NAV2: variants seen among roughly 807,000 people sequenced by gnomAD.
NAV2 encodes the protein helicase, APC down-regulated 1.
NAV2 carries 54 observed loss-of-function variants against 223.2 expected under a neutral mutation model. The ratio of observed to expected loss-of-function variants is 0.24; its 90% CI spans 0.19 to 0.30. NAV2 has a LOEUF of 0.30. Ranked by LOEUF, NAV2 falls within the 10% of genes least tolerant of loss-of-function variation. NAV2 has a pLI of 1.00. For missense variants in NAV2, 2,806 were observed against 3,147.5 expected (o/e 0.89, Z 2.60); for synonymous variants, 1,279 against 1,239.3 (o/e 1.03, Z -0.67).
intron 1 of NAV2, among the ~76,000 whole-genome samples, chr11:19,792,322 G>T (rs1253826215): frequency 6.6e-6 from 1 of 152,172 alleles, no homozygotes; most frequent in East Asian, 1.9e-4. Context: ...GGGGGATTTT[G>T]TTCTAAGTAG....
chr11:19,925,646 G>A (rs559647557), intron 6 of NAV2, among the ~76,000 whole-genome samples: 2 of 152,020 alleles, frequency 1.3e-5, no homozygotes, highest in African/African-American at 4.8e-5. Flanking sequence ...TATTCAGGAG[G>A]CTGAGGCAAG....
In NAV2 at chr11:19,896,704, A is replaced by G. The variant is rs567708911; in HGVS notation, c.931+4110A>G. 2.0e-3 allele frequency among the ~76,000 whole-genome samples: 305 copies of G among 152,358 alleles called. 4 individuals carry two copies. The highest frequency in any genetic ancestry group is 7.0e-3 in the African/African-American group (291 of 41,582). On this transcript the variant is annotated intron_variant, in intron 6 of 37. Coordinates refer to ENST00000349880, the MANE Select transcript of NAV2 (RefSeq NM_145117.5). ...ATTGTTCTAATGACATCAGTAAGTT[A>G]AATTAGAATTTCATTATTCTGTCAG...
intron 1 of NAV2, among the ~76,000 whole-genome samples, chr11:19,391,108 G>T (rs1179528757): frequency 6.6e-6 from 1 of 152,120 alleles, no homozygotes; most frequent in Non-Finnish European, 1.5e-5. Context: ...GTACCCCAAA[G>T]CTTTCGTTCT....
intron 1 of NAV2, among the ~76,000 whole-genome samples, chr11:19,787,268 A>ATTTTTTTTTTTTTTTTTT (rs1565315820): frequency 3.4e-5 from 1 of 29,406 alleles, no homozygotes; most frequent in Non-Finnish European, 6.3e-5. Flanking sequence ...TTTTTATTGG[A>ATTTTTTTTTTTTTTTTTT]TCTTTTTTTT....
At chr11:19,456,337 C>G (rs900977633) in intron 1 of NAV2, among the ~76,000 whole-genome samples, 1 of 152,184 alleles carries the variant, frequency 6.6e-6, no homozygotes, top group Admixed American at 6.5e-5. Context: ...ATTGACTCCT[C>G]GAAGTCCTTC....
At chr11:19,872,455 ACATTACTG>A (rs2062573379) in intron 4 of NAV2, among the ~76,000 whole-genome samples, 2 of 152,250 alleles carry the variant, frequency 1.3e-5, no homozygotes, top group Admixed American at 1.3e-4. Context: ...GTGCTACTGC[ACATTACTG>A]CCTATGTTTC....
At chr11:19,623,073 A>G (rs992383777) in intron 1 of NAV2, among the ~76,000 whole-genome samples, 1 of 152,190 alleles carries the variant, frequency 6.6e-6, no homozygotes, top group African/African-American at 2.4e-5. Flanking sequence ...TCTTTTCTTT[A>G]AGAATATTGA....
intron 26 of NAV2, among the ~76,000 whole-genome samples, chr11:20,090,651 G>A (rs752596471): frequency 1.1e-4 from 17 of 152,122 alleles, no homozygotes; most frequent in Non-Finnish European, 2.2e-4. Flanking sequence ...TTAAACATCA[G>A]TGGTCTAAAT....
At chr11:19,482,292 T>A (rs1002453224) in intron 1 of NAV2, among the ~76,000 whole-genome samples, 1 of 152,200 alleles carries the variant, frequency 6.6e-6, no homozygotes, top group Non-Finnish European at 1.5e-5. Flanking sequence ...GCAAGATGAA[T>A]TTCCTCCATG....
intron 1 of NAV2, among the ~76,000 whole-genome samples, chr11:19,722,523 C>T (rs1037765871): frequency 2.0e-5 from 3 of 152,170 alleles, no homozygotes; most frequent in African/African-American, 7.2e-5. Flanking sequence ...TCTATGTGTT[C>T]CATAGCCTGG....
chr11:19,438,250 T>A lies in NAV2; in HGVS notation c.75+87223T>A, dbSNP rs140035077. Reference sequence around the variant, plus strand: ...TTGTCAATCCTTAACAGCAACCTCATGGGTACTATTGTTATCCCAGTCTAC... The same window carrying A: ...TTGTCAATCCTTAACAGCAACCTCAAGGGTACTATTGTTATCCCAGTCTAC... On this transcript the variant is annotated intron_variant, in intron 1 of 37. Coordinates refer to the NAV2 transcript ENST00000360655. Among the ~76,000 whole-genome samples, 998 of 152,316 alleles carry A rather than the reference T, an allele frequency of 6.6e-3. 28 individuals carry two copies. Among genetic ancestry groups the A allele is most frequent in the Non-Finnish European group, 4.2e-3 (284 of 68,020 alleles).
At chr11:20,005,824 A>G (rs1043008548) in intron 11 of NAV2, among the ~76,000 whole-genome samples, 1 of 152,206 alleles carries the variant, frequency 6.6e-6, no homozygotes, top group Admixed American at 6.5e-5. Context: ...TGGGTAAGCT[A>G]GAATAATAGT....
chr11:19,971,149 G>A (rs1388497829), intron 10 of NAV2, among the ~76,000 whole-genome samples: 7 of 152,160 alleles, frequency 4.6e-5, no homozygotes, highest in Non-Finnish European at 4.4e-5. Flanking sequence ...GTTTTGGGGA[G>A]TTTGTGTCAT....
chr11:19,447,222 A>T (rs4756999), intron 1 of NAV2, among the ~76,000 whole-genome samples: 3 of 152,062 alleles, frequency 2.0e-5, no homozygotes, highest in African/African-American at 2.4e-5. Flanking sequence ...AATCTCTTCC[A>T]GATTACTTGA....
At chr11:20,040,627 T>TC (rs2056825955) in intron 12 of NAV2, among the ~76,000 whole-genome samples, 1 of 152,152 alleles carries the variant, frequency 6.6e-6, no homozygotes, top group African/African-American at 2.4e-5. Flanking sequence ...CCTTCTGAAG[T>TC]CCCTTGTGCG....
intron 1 of NAV2, among the ~76,000 whole-genome samples, chr11:19,461,410 A>G (rs1852154965): frequency 6.6e-6 from 1 of 152,242 alleles, no homozygotes; most frequent in African/African-American, 2.4e-5. Context: ...CACATGTGAA[A>G]GAAGAGGTTT....
chr11:20,078,552 G>A (rs554412349), intron 24 of NAV2, among the ~76,000 whole-genome samples: 11 of 152,162 alleles, frequency 7.2e-5, no homozygotes, highest in Admixed American at 5.9e-4. Context: ...TCTACTTCCC[G>A]GGTTCAAGTG....
chr11:19,608,719 C>T (rs757122123), intron 1 of NAV2, among the ~76,000 whole-genome samples: 18 of 152,244 alleles, frequency 1.2e-4, no homozygotes, highest in Non-Finnish European at 5.9e-5. Context: ...TTGGAGCCAG[C>T]TCTATTGGTT....
intron 1 of NAV2, among the ~76,000 whole-genome samples, chr11:19,628,414 C>T (rs563121037): frequency 6.6e-6 from 1 of 152,316 alleles, no homozygotes; most frequent in African/African-American, 2.4e-5. Context: ...CTGCCTCAGG[C>T]TCCTGGCAAT....
Sources: allele counts gnomAD v4.1 joint callset (sites outside exome capture counted in the v4.1 genomes callset), GRCh38; gene constraint gnomAD v4.1.1; transcripts MANE v1.5; gene names NCBI Gene and HGNC (gene_info 2026-07-23, HGNC 2026-07-21).